COL13A1: variants seen among roughly 807,000 people sequenced by gnomAD.
COL13A1 encodes the protein collagen type XIII alpha 1 chain.
COL13A1 carries 89 observed loss-of-function variants against 130.9 expected under a neutral mutation model. The ratio of observed to expected loss-of-function variants is 0.68; its 90% CI spans 0.57 to 0.81. COL13A1 has a LOEUF of 0.81. COL13A1 is among the 30% of genes least tolerant of loss of function. The pLI, the probability that COL13A1 is intolerant of heterozygous loss-of-function variation, is 0.00. For synonymous variants in COL13A1, 402 were observed against 341.6 expected, an observed-to-expected ratio of 1.18 and a Z score of -1.95; for missense variants, 879 against 934.6, an observed-to-expected ratio of 0.94 and a Z score of 0.78.
intron 2 of COL13A1, among the ~76,000 whole-genome samples, chr10:69,823,250 A>ATTTTCTAGGTGCCTGTTAC (rs1361023535): frequency 1.3e-5 from 2 of 152,146 alleles, no homozygotes; most frequent in African/African-American, 4.8e-5. Flanking sequence ...CTTATGAGAA[A>ATTTTCTAGGTGCCTGTTAC]TTTTCTAGGT....
chr10:69,869,116 A>C (rs1390985583), intron 3 of COL13A1, among the ~76,000 whole-genome samples: 3 of 152,122 alleles, frequency 2.0e-5, no homozygotes, highest in African/African-American at 4.8e-5. Flanking sequence ...GCCTGACTTG[A>C]GGGTCCTTTC....
intron 35 of COL13A1, among the ~76,000 whole-genome samples, chr10:69,941,464 A>T (rs1367433524): frequency 6.6e-6 from 1 of 152,090 alleles, no homozygotes. Flanking sequence ...AGGGCCTCCT[A>T]GTCTTGTGCA....
At chr10:69,915,539 C>T (rs940699151) in intron 17 of COL13A1, among the ~76,000 whole-genome samples, 1 of 152,314 alleles carries the variant, frequency 6.6e-6, no homozygotes, top group South Asian at 2.1e-4. Flanking sequence ...CGATTACAAA[C>T]GCTAAGTGGT....
rs551858559 is a variant in COL13A1, at chr10:69,912,889, A to G, written c.922-4400A>G. On this transcript the variant is annotated intron_variant, in intron 17 of 40. Transcript: ENST00000645393. ...AGCTTGGCTGGTTTATGCTCCAAGG[A>G]GCTCACTTCCATTCTATCATCTCTG... 1.1e-4 allele frequency among the ~76,000 whole-genome samples: 17 copies of G among 152,276 alleles called. 1 individual carries two copies. The highest frequency in any genetic ancestry group is 4.1e-4 in the African/African-American group (17 of 41,538).
At chr10:69,883,260 G>A (rs1483914860) in intron 7 of COL13A1, among the ~76,000 whole-genome samples, 1 of 152,206 alleles carries the variant, frequency 6.6e-6, no homozygotes, top group Non-Finnish European at 1.5e-5. Context: ...CAAGATGCTG[G>A]CTGGCCCAGC....
At chr10:69,887,859 G>T (rs1253856109) in intron 8 of COL13A1, among the ~76,000 whole-genome samples, 1 of 152,178 alleles carries the variant, frequency 6.6e-6, no homozygotes, top group African/African-American at 2.4e-5. Context: ...ATCCAGCGAG[G>T]GGGAGGCAGA....
rs749504545 is a variant in COL13A1, at chr10:69,952,861, G to A, written c.2059-21G>A. On this transcript the variant is annotated intron_variant, in intron 38 of 40. Transcript: ENST00000645393. Reference sequence around the variant, plus strand: ...CTTAAAGTTTTGATGTTTTTTTCTCGGACTAAACCATTATTTACAGGGGGA... The same window carrying A: ...CTTAAAGTTTTGATGTTTTTTTCTCAGACTAAACCATTATTTACAGGGGGA... 149 of 1,499,310 alleles carry A rather than the reference G, an allele frequency of 9.9e-5. No homozygotes were observed. Among genetic ancestry groups the A allele is most frequent in the Middle Eastern group, 1.7e-4 (1 of 5,840 alleles). 92.9% of individuals were successfully genotyped at this position (1,499,310 alleles called of 1,614,324 possible).
intron 31 of COL13A1, 72 bp from the exon 32 acceptor site, chr10:69,935,278 C>T: frequency 7.4e-7 from 1 of 1,353,190 alleles, no homozygotes. Context: ...CTTGCAGTCT[C>T]CAGCTGGGCT....
intron 4 of COL13A1, among the ~76,000 whole-genome samples, chr10:69,873,257 C>T (rs2059251211): frequency 6.6e-6 from 1 of 152,206 alleles, no homozygotes; most frequent in African/African-American, 2.4e-5. Context: ...ATACTGTAAC[C>T]TTTGGACTAA....
At position 69,952,007 on chromosome 10, in the gene COL13A1, TTCTTTAAATAGAC is replaced by T. The variant is rs537039124; in HGVS notation, c.2059-871_2059-859del. On this transcript the variant is annotated intron_variant, in intron 38 of 40. Coordinates refer to ENST00000645393, the MANE Select transcript of COL13A1 (RefSeq NM_001368882.1). ...TTTTAAAAAGAATTCCCCACAGCCC[TTCTTTAAATAGAC>T]TCTGACACATACAATATAGGATTCA... 2.8e-4 allele frequency among the ~76,000 whole-genome samples: 43 copies of T among 152,378 alleles called. No homozygotes were observed. The South Asian group carries it at 6.4e-3, about 23-fold the overall frequency.
At chr10:69,879,755 G>A (rs2059945841) in intron 6 of COL13A1, among the ~76,000 whole-genome samples, 1 of 152,178 alleles carries the variant, frequency 6.6e-6, no homozygotes, top group Admixed American at 6.5e-5. Context: ...CATGGCACTT[G>A]TCTAGCTAGC....
At chr10:69,839,902 A>T (rs999270648) in intron 2 of COL13A1, among the ~76,000 whole-genome samples, 1 of 152,122 alleles carries the variant, frequency 6.6e-6, no homozygotes, top group Non-Finnish European at 1.5e-5. Flanking sequence ...AAGCCACAGG[A>T]AGGTTTTAGG....
chr10:69,833,055 C>A (rs1398899898), intron 2 of COL13A1, among the ~76,000 whole-genome samples: 1 of 152,190 alleles, frequency 6.6e-6, no homozygotes, highest in Non-Finnish European at 1.5e-5. Context: ...GGTCACCTCT[C>A]CCTGTCTGCC....
In COL13A1 at chr10:69,802,585, G is replaced by A; in HGVS notation, c.162G>A (p.Ser54=). The change falls in exon 1 of 41, where the codon TCG becomes TCA. Residue 54 remains serine, a synonymous_variant. Transcript: ENST00000645393. ...SCGLLTLALC[S]LALSLLAHFR... The stretch of plus-strand genomic sequence containing the variant: ...GGCTGCTGACGCTGGCCCTCTGCTC[G>A]CTGGCACTCAGCCTGCTCGCCCACT... The A allele has an allele frequency of 6.2e-7, 1 of 1,612,004 alleles. No individual in the cohort carries two copies. Among genetic ancestry groups the A allele is most frequent in the Non-Finnish European group, 8.5e-7 (1 of 1,179,174 alleles).
At chr10:69,859,133 T>C (rs1403331710) in intron 2 of COL13A1, among the ~76,000 whole-genome samples, 1 of 152,220 alleles carries the variant, frequency 6.6e-6, no homozygotes, top group African/African-American at 2.4e-5. Context: ...CTTATGGGGC[T>C]ACTGTGAAGA....
At chr10:69,863,382 A>G (rs1858774756) in intron 2 of COL13A1, among the ~76,000 whole-genome samples, 1 of 152,118 alleles carries the variant, frequency 6.6e-6, no homozygotes. Context: ...GATGCACAGC[A>G]CCTGTCCTGG....
intron 2 of COL13A1, among the ~76,000 whole-genome samples, chr10:69,833,750 C>A (rs1381282373): frequency 6.6e-6 from 1 of 152,046 alleles, no homozygotes; most frequent in African/African-American, 2.4e-5. Flanking sequence ...TGTGTTTTTT[C>A]CACACACACC....
intron 25 of COL13A1, 74 bp from the exon 26 acceptor site, chr10:69,925,730 T>C: frequency 8.8e-7 from 1 of 1,134,430 alleles, no homozygotes; most frequent in East Asian, 2.6e-5. Context: ...TGTGGGCTGA[T>C]AGAGAGCAGG....
intron 2 of COL13A1, 131 bp downstream of exon 2, chr10:69,822,569 A>G (rs938924846): frequency 6.2e-6 from 4 of 648,888 alleles, no homozygotes; most frequent in Non-Finnish European, 9.7e-6. Context: ...GAGTGACAAT[A>G]TCTGTGGTTG....
Sources: allele counts gnomAD v4.1 joint callset (sites outside exome capture counted in the v4.1 genomes callset), GRCh38; gene constraint gnomAD v4.1.1; transcripts MANE v1.5; gene names NCBI Gene and HGNC (gene_info 2026-07-23, HGNC 2026-07-21).